The following ARFGEF3 variants were observed in gnomAD, a reference collection of about 807,000 sequenced individuals.
The protein encoded by ARFGEF3 is ARFGEF family member 3.
Under a neutral mutation model 221.7 loss-of-function variants are expected in ARFGEF3, and 96 were observed. The observed-to-expected ratio is 0.43, with a 90% CI of 0.37 to 0.51. The LOEUF (loss-of-function observed/expected upper bound fraction) is 0.51. Among genes scored for constraint, ARFGEF3 ranks in the 20% least tolerant of loss-of-function variants. The pLI, the probability that ARFGEF3 is intolerant of heterozygous loss-of-function variation, is 0.00. For missense variants in ARFGEF3, 2,410 were observed against 2,789.9 expected, an observed-to-expected ratio of 0.86 and a Z score of 3.07; for synonymous variants, 1,145 against 1,126.8, an observed-to-expected ratio of 1.02 and a Z score of -0.32.
intron 33 of ARFGEF3, 73 bp downstream of exon 33, chr6:138,335,261 G>A (rs1277248521): frequency 2.5e-5 from 35 of 1,411,258 alleles, no homozygotes; most frequent in Middle Eastern, 2.5e-4. Context: ...CCCTTGCAGA[G>A]CAGGCATACA....
intron 4 of ARFGEF3, among the ~76,000 whole-genome samples, chr6:138,221,806 A>G (rs539393667): frequency 3.9e-5 from 6 of 152,180 alleles, no homozygotes; most frequent in Non-Finnish European, 7.3e-5. Context: ...ATGACCATAA[A>G]CCAATGAGGA....
intron 4 of ARFGEF3, among the ~76,000 whole-genome samples, chr6:138,218,774 G>C (rs557528176): frequency 6.6e-6 from 1 of 152,300 alleles, no homozygotes; most frequent in East Asian, 1.9e-4. Context: ...TCATTCTGCA[G>C]AGAGTCTGAG....
At chr6:138,295,421 A>G (rs1779489810) in intron 20 of ARFGEF3, among the ~76,000 whole-genome samples, 1 of 151,932 alleles carries the variant, frequency 6.6e-6, no homozygotes, top group African/African-American at 2.4e-5. Flanking sequence ...GGAGTTCGAG[A>G]CAAGCCTGAC....
In ARFGEF3 at chr6:138,334,112, G is replaced by T; in HGVS notation, c.5266G>T (p.Ala1756Ser). The change falls in exon 33 of 34, where the codon GCT becomes TCT. Residue 1756 changes from alanine (A) to serine (S), a missense_variant. Transcript: ENST00000251691. This position sits in a 1 kb window ranked among gnomAD's most constrained non-coding sequence, Gnocchi z 5.1. Reference protein sequence around the residue: ...KTIQVPEAKLAGFLRYISMQN... With the variant: ...KTIQVPEAKLSGFLRYISMQN... Reference sequence around the variant, plus strand: ...GATACAAGTGCCAGAAGCCAAGCTGGCTGGCTTCCTCAGATACATCTCTAT... The same window carrying T: ...GATACAAGTGCCAGAAGCCAAGCTGTCTGGCTTCCTCAGATACATCTCTAT... 2 of 1,613,910 alleles carry T rather than the reference G, an allele frequency of 1.2e-6. No homozygotes were observed. Among genetic ancestry groups the T allele is most frequent in the Non-Finnish European group, 8.5e-7 (1 of 1,179,870 alleles).
chr6:138,263,514 A>G lies in ARFGEF3; in HGVS notation c.2031A>G (p.Ile677Met). Residue 677 changes from isoleucine to methionine, a missense_variant, in exon 12 of 34, where the codon ATA becomes ATG. By Grantham distance (10) the Ile-to-Met change is conservative. Coordinates refer to ENST00000251691, the MANE Select transcript of ARFGEF3 (RefSeq NM_020340.5). ...ATCAGCACAGCGCCAGGCTGTTCAT[A>G]CAGTCCCTGGAAGGCCTCCTCCCTC... ...EADQHSARLF[I>M]QSLEGLLPRL... is the part of the protein sequence containing the mutation. The G allele has an allele frequency of 6.2e-7, 1 of 1,613,702 alleles. No individual in the cohort carries two copies. The highest frequency in any genetic ancestry group is 8.5e-7 in the Non-Finnish European group (1 of 1,179,854).
At chr6:138,292,097 G>A (rs1201165053) in intron 19 of ARFGEF3, 44 bp downstream of exon 19, 4 of 1,362,050 alleles carry the variant, frequency 2.9e-6, no homozygotes, top group Admixed American at 3.4e-5. Flanking sequence ...CTGCTTACCA[G>A]GCGACACCCA....
intron 19 of ARFGEF3, 28 bp downstream of exon 19, chr6:138,292,081 G>A (rs1436638445): frequency 1.4e-6 from 2 of 1,380,960 alleles, no homozygotes; most frequent in East Asian, 3.0e-5. Context: ...CCCACGCCCC[G>A]GGAGCCTGCT....
In ARFGEF3 at chr6:138,308,791, C is replaced by A; in HGVS notation, c.4026C>A (p.Asp1342Glu). 6.2e-7 allele frequency: 1 copy of A among 1,613,890 alleles called. No homozygotes were observed. The highest frequency in any genetic ancestry group is 8.5e-7 in the Non-Finnish European group (1 of 1,179,748). ...TATTTGAAGCTTTTCTCAATACTGA[C>A]AACATCCAGGTCTTTGCTAATGCAG... ...FDVFEAFLNT[D>E]NIQVFANAAT... The change falls in exon 24 of 34, where the codon GAC becomes GAA. Residue 1342 changes from aspartate (D) to glutamate (E), a missense_variant. This residue lies in a region of ARFGEF3 where 723 missense variants were observed against 991.9 expected (regional missense o/e 0.73). Transcript: ENST00000251691.
intron 12 of ARFGEF3, among the ~76,000 whole-genome samples, chr6:138,270,090 C>G (rs1404797830): frequency 6.6e-6 from 1 of 152,096 alleles, no homozygotes; most frequent in Non-Finnish European, 1.5e-5. Flanking sequence ...GAGCTAAATA[C>G]GGCTGCTTTC....
intron 12 of ARFGEF3, among the ~76,000 whole-genome samples, chr6:138,274,707 A>C (rs1486737061): frequency 6.7e-6 from 1 of 149,002 alleles, no homozygotes; most frequent in African/African-American, 2.5e-5. Flanking sequence ...AGGCAGGAGA[A>C]TTGCTTGAAC....
chr6:138,209,431 G>A (rs1162961403), intron 3 of ARFGEF3, among the ~76,000 whole-genome samples: 3 of 152,064 alleles, frequency 2.0e-5, no homozygotes, highest in Admixed American at 6.6e-5. Context: ...TGCCAAAAAC[G>A]GTTTATTCAA....
At chr6:138,217,859 TC>T (rs1213219972) in intron 4 of ARFGEF3, 3 of 1,314,290 alleles carry the variant, frequency 2.3e-6, no homozygotes, top group Admixed American at 2.9e-5. Flanking sequence ...ATCATCAAAT[TC>T]TTTTCATAAG....
Position 138,226,614 on chromosome 6 carries a change from A to G in ARFGEF3, c.352-3170A>G, listed in dbSNP as rs147446963. Among the ~76,000 whole-genome samples the G allele has an allele frequency of 8.9e-3, 1,359 of 152,240 alleles. 28 individuals carry two copies. The highest frequency in any genetic ancestry group is 7.2e-3 in the Non-Finnish European group (493 of 68,028). On this transcript the variant is annotated intron_variant, in intron 4 of 33. Transcript: ENST00000251691. ...GTCAATATGCTTTAATGACCCTGTG[A>G]AGGATATATTTTTAATAAAATTGCC...
intron 2 of ARFGEF3, among the ~76,000 whole-genome samples, chr6:138,196,284 A>C (rs1306423871): frequency 6.6e-6 from 1 of 152,224 alleles, no homozygotes; most frequent in Non-Finnish European, 1.5e-5. Context: ...GTTCATTATT[A>C]TGCAAACATC....
At position 138,243,127 on chromosome 6, in the gene ARFGEF3, G is replaced by A. The variant is rs1778424638; in HGVS notation, c.586+133G>A. 4 of 749,156 alleles carry A rather than the reference G, an allele frequency of 5.3e-6. 1 individual carries two copies. In the South Asian group the frequency reaches 6.6e-5, roughly 12 times the overall value. The allele number at this position is 749,156 out of a possible 1,614,324, so 46.4% of individuals were successfully genotyped here. A position where few individuals can be genotyped will look rare whatever the true frequency, so the allele number is the denominator to read the frequency against. Reference sequence around the variant, plus strand: ...TACCATTCTCTTGGAGGTTGTGCTTGGCTTTGCCTTAGGTGGCATTATTTA... The same window carrying A: ...TACCATTCTCTTGGAGGTTGTGCTTAGCTTTGCCTTAGGTGGCATTATTTA... On this transcript the variant is annotated intron_variant, in intron 7 of 33. Coordinates refer to ENST00000251691, the MANE Select transcript of ARFGEF3 (RefSeq NM_020340.5).
intron 31 of ARFGEF3, 47 bp from the exon 32 acceptor site, chr6:138,327,951 CCAGCTGATCCCTGACAGGTCAAG>C: frequency 7.5e-7 from 1 of 1,334,524 alleles, no homozygotes; most frequent in Non-Finnish European, 1.0e-6. Flanking sequence ...CCAGGGTCAT[CCAGCTGATCCCTGACAGGTCAAG>C]CAGAGGACAC....
intron 6 of ARFGEF3, among the ~76,000 whole-genome samples, chr6:138,239,425 A>G (rs1160482892): frequency 6.6e-6 from 1 of 152,148 alleles, no homozygotes; most frequent in Non-Finnish European, 1.5e-5. Flanking sequence ...AGGCAGGTGG[A>G]TCACCTGAGG....
intron 22 of ARFGEF3, among the ~76,000 whole-genome samples, chr6:138,305,901 C>T (rs988942007): frequency 6.6e-6 from 1 of 152,266 alleles, no homozygotes. Context: ...TCTAACATCA[C>T]ACTTAATGAT....
chr6:138,244,157 A>C (rs1235919421), intron 7 of ARFGEF3, among the ~76,000 whole-genome samples: 1 of 152,218 alleles, frequency 6.6e-6, no homozygotes, highest in Non-Finnish European at 1.5e-5. Flanking sequence ...GGGTTTTATT[A>C]AACTATGTTT....
Sources: allele counts gnomAD v4.1 joint callset (sites outside exome capture counted in the v4.1 genomes callset), GRCh38; gene constraint gnomAD v4.1.1; regional missense constraint gnomAD v4.1.1; non-coding constraint Gnocchi (gnomAD v3.1); transcripts MANE v1.5; gene names NCBI Gene and HGNC (gene_info 2026-07-23, HGNC 2026-07-21).